Variants in SAMD12 observed in about 807,000 individuals in gnomAD.
SAMD12 encodes the protein sterile alpha motif domain containing 12.
SAMD12 carries 9 observed loss-of-function variants against 15.0 expected under a neutral mutation model. The observed-to-expected ratio is 0.60, with a 90% CI of 0.36 to 1.05. The LOEUF is 1.05. SAMD12 is among the 50% of genes least tolerant of loss of function. The pLI, the probability that SAMD12 is intolerant of heterozygous loss-of-function variation, is 0.01. For synonymous variants in SAMD12, 86 were observed against 90.1 expected (o/e 0.96, Z 0.25); for missense variants, 230 against 234.2 (o/e 0.98, Z 0.12).
intron 2 of SAMD12, among the ~76,000 whole-genome samples, chr8:118,580,332 C>T (rs2131257355): frequency 6.6e-6 from 1 of 152,232 alleles, no homozygotes; most frequent in South Asian, 2.1e-4. Context: ...ATCTGCTCAA[C>T]CTGATGAGAG....
chr8:118,557,496 A>G (rs1321322381), intron 2 of SAMD12, among the ~76,000 whole-genome samples: 1 of 152,226 alleles, frequency 6.6e-6, no homozygotes, highest in Admixed American at 6.5e-5. Flanking sequence ...TTATAAAGAA[A>G]AAGAGCATCT....
At position 118,379,707 on chromosome 8, in the gene SAMD12, G is replaced by A. The variant is rs1453476344; in HGVS notation, c.323-7C>T. ...AGTCTCAGCAGGGCTCGCCCTGCAG[G>A]GTTTTAAGAAATAAAAGGAAAAGCA... On this transcript the variant is annotated splice_polypyrimidine_tract_variant and splice_region_variant and intron_variant, in intron 3 of 3. Transcript: ENST00000314727. 2.5e-6 allele frequency: 4 copies of A among 1,607,240 alleles called. No individual in the cohort carries two copies. Among genetic ancestry groups the A allele is most frequent in the South Asian group, 2.2e-5 (2 of 90,724 alleles).
intron 2 of SAMD12, among the ~76,000 whole-genome samples, chr8:118,485,579 G>A (rs1824253425): frequency 2.0e-5 from 3 of 152,094 alleles, no homozygotes; most frequent in African/African-American, 7.2e-5. Context: ...TTGGCAAAAT[G>A]CATATATATG....
intron 4 of SAMD12, among the ~76,000 whole-genome samples, chr8:118,235,674 G>A (rs1328363780): frequency 1.3e-5 from 2 of 151,504 alleles, no homozygotes; most frequent in Non-Finnish European, 2.9e-5. Context: ...AATTCATTTT[G>A]TTCTCAGTTG....
chr8:118,552,978 C>T (rs867091751), intron 2 of SAMD12, among the ~76,000 whole-genome samples: 8,322 of 150,778 alleles, frequency 0.055, 279 homozygotes, highest in Non-Finnish European at 0.078. Context: ...TTACAAGGGA[C>T]ATGAAGGACC....
rs115171816 is a variant in SAMD12, at chr8:118,527,976, T to A, written c.192+52739A>T. On this transcript the variant is annotated intron_variant, in intron 2 of 3. Transcript: ENST00000314727. ...ACTGACACAATGCTAGATTAGCTGA[T>A]ATTTTTAATCACGTGATTTTGGCCT... Among the ~76,000 whole-genome samples, 503 of 152,214 alleles carry A rather than the reference T, an allele frequency of 3.3e-3. 3 individuals carry two copies. Among genetic ancestry groups the A allele is most frequent in the African/African-American group, 0.012 (483 of 41,560 alleles).
At chr8:118,509,030 G>A (rs1483242528) in intron 2 of SAMD12, among the ~76,000 whole-genome samples, 1 of 152,048 alleles carries the variant, frequency 6.6e-6, no homozygotes, top group Admixed American at 6.5e-5. Flanking sequence ...CCACTTGGGA[G>A]GCAAGAGGAT....
chr8:118,300,180 C>T (rs180768798), intron 4 of SAMD12, among the ~76,000 whole-genome samples: 11 of 152,146 alleles, frequency 7.2e-5, no homozygotes, highest in Middle Eastern at 3.4e-3. Flanking sequence ...ATTCAATATC[C>T]TCCTTGTAGC....
chr8:118,536,104 A>G (rs1825834049), intron 2 of SAMD12, among the ~76,000 whole-genome samples: 1 of 152,002 alleles, frequency 6.6e-6, no homozygotes, highest in Non-Finnish European at 1.5e-5. Flanking sequence ...CCTGTACCCA[A>G]GTTAATTTCT....
At chr8:118,144,464 T>A in the SAMD12 span, among the ~76,000 whole-genome samples, 1 of 152,204 alleles carries the variant, frequency 6.6e-6, no homozygotes, top group Non-Finnish European at 1.5e-5. Flanking sequence ...CCTAGCACAG[T>A]GCCTGGGACA....
At chr8:118,451,494 A>T (rs189789685) in intron 2 of SAMD12, among the ~76,000 whole-genome samples, 1 of 152,278 alleles carries the variant, frequency 6.6e-6, no homozygotes, top group Non-Finnish European at 1.5e-5. Flanking sequence ...CAATTATACC[A>T]CTATTAAAGT....
intron 2 of SAMD12, among the ~76,000 whole-genome samples, chr8:118,530,914 A>C (rs1337421494): frequency 6.6e-6 from 1 of 152,176 alleles, no homozygotes; most frequent in African/African-American, 2.4e-5. Flanking sequence ...CAATCATAGC[A>C]CACAGCATTC....
intron 4 of SAMD12, among the ~76,000 whole-genome samples, chr8:118,308,831 G>A (rs1815477268): frequency 6.6e-6 from 1 of 151,714 alleles, no homozygotes; most frequent in South Asian, 2.1e-4. Flanking sequence ...TCTGCACCCT[G>A]CTTGTCACAC....
the SAMD12 span, among the ~76,000 whole-genome samples, chr8:118,135,218 A>G: frequency 6.6e-6 from 1 of 152,100 alleles, no homozygotes; most frequent in East Asian, 1.9e-4. Context: ...GTCTTGCTCT[A>G]TCACCCAGGC....
chr8:118,422,049 G>A (rs531483838), intron 3 of SAMD12, among the ~76,000 whole-genome samples: 1 of 152,200 alleles, frequency 6.6e-6, no homozygotes, highest in Non-Finnish European at 1.5e-5. Context: ...TATAGGATGA[G>A]CTTCATGAAA....
the SAMD12 span, among the ~76,000 whole-genome samples, chr8:118,165,635 T>TGTGTATATATATATATAC: frequency 5.4e-5 from 7 of 129,430 alleles, no homozygotes; most frequent in African/African-American, 8.4e-5. Context: ...TATATATATA[T>TGTGTATATATATATATAC]ACATATATAT....
intron 1 of SAMD12, among the ~76,000 whole-genome samples, chr8:118,589,247 T>A (rs530558415): frequency 1.3e-5 from 2 of 152,212 alleles, no homozygotes; most frequent in Non-Finnish European, 2.9e-5. Context: ...ACAATGATGA[T>A]GTGGCTGCCC....
intron 1 of SAMD12, among the ~76,000 whole-genome samples, chr8:118,589,988 G>A (rs1056293308): frequency 6.6e-6 from 1 of 152,156 alleles, no homozygotes; most frequent in Non-Finnish European, 1.5e-5. Flanking sequence ...ATGGTAAAGA[G>A]AAGGAAGACA....
At chr8:118,292,974 C>T (rs555749772) in intron 4 of SAMD12, among the ~76,000 whole-genome samples, 20 of 151,796 alleles carry the variant, frequency 1.3e-4, no homozygotes, top group African/African-American at 4.3e-4. Flanking sequence ...GTGGGTGCAG[C>T]GCACCAGCAT....
Sources: allele counts gnomAD v4.1 joint callset (sites outside exome capture counted in the v4.1 genomes callset), GRCh38; gene constraint gnomAD v4.1.1; transcripts MANE v1.5; gene names NCBI Gene and HGNC (gene_info 2026-07-23, HGNC 2026-07-21).